The following ARIH2 variants were observed in gnomAD, a reference collection of about 807,000 sequenced individuals.
The protein encoded by ARIH2 is E3 ubiquitin-protein ligase ARIH2.
ARIH2 carries 12 observed loss-of-function variants against 79.8 expected under a neutral mutation model. That is an observed-to-expected ratio of 0.15 (90% CI 0.10 to 0.24). ARIH2 has a LOEUF of 0.24. ARIH2 is among the 10% of genes least tolerant of loss of function. The probability of loss-of-function intolerance (pLI) is 1.00; values close to 1 mark genes in which losing one functional copy is unlikely to be tolerated. For synonymous variants in ARIH2, 224 were observed against 213.9 expected (o/e 1.05, Z -0.41); for missense variants, 301 against 618.3 (o/e 0.49, Z 5.44).
chr3:48,973,906 A>C lies in ARIH2; in HGVS notation c.888+90A>C, dbSNP rs1484679984. 4.0e-6 allele frequency: 4 copies of C among 1,002,330 alleles called. No individual in the cohort carries two copies. The East Asian group carries it at 9.7e-5, about 24-fold the overall frequency. 62.1% of individuals were successfully genotyped at this position (1,002,330 alleles called of 1,614,324 possible). A position where few individuals can be genotyped will look rare whatever the true frequency, so the allele number is the denominator to read the frequency against. ...GAGATTTGCCATCTGAGAGCAGAAT[A>C]CCCAGAGCCCCAGGACCCTTCCTGA... is the stretch of plus-strand genomic sequence containing the variant. On this transcript the variant is annotated intron_variant, in intron 9 of 15. Coordinates refer to ENST00000356401, the MANE Select transcript of ARIH2 (RefSeq NM_006321.4).
intron 7 of ARIH2, among the ~76,000 whole-genome samples, chr3:48,969,178 CTTT>C (rs562931150): frequency 1.4e-4 from 19 of 137,534 alleles, no homozygotes; most frequent in Admixed American, 2.2e-4. Flanking sequence ...CAGCCTCTTT[CTTT>C]TTTTTTTTTT....
At chr3:48,919,229 A>G in intron 1 of ARIH2, 3 of 1,254,622 alleles carry the variant, frequency 2.4e-6, no homozygotes, top group East Asian at 6.3e-5. Context: ...CGGAAAGGTC[A>G]GAGGCCACCG....
intron 3 of ARIH2, among the ~76,000 whole-genome samples, chr3:48,961,296 C>T (rs2091230537): frequency 6.6e-6 from 1 of 152,166 alleles, no homozygotes; most frequent in African/African-American, 2.4e-5. Context: ...AAGGAAACTC[C>T]AGCCCTGTTG....
At chr3:48,959,839 T>G (rs1034572006) in intron 3 of ARIH2, among the ~76,000 whole-genome samples, 1 of 152,156 alleles carries the variant, frequency 6.6e-6, no homozygotes, top group Non-Finnish European at 1.5e-5. Context: ...TGCATAGCCT[T>G]TGACACTCAT....
chr3:48,919,027 GTTT>G, intron 1 of ARIH2, 29 bp downstream of exon 1: 2 of 1,386,088 alleles, frequency 1.4e-6, no homozygotes, highest in Non-Finnish European at 1.9e-6. Flanking sequence ...TCACGGCCTT[GTTT>G]ACCTTGGCTG....
intron 3 of ARIH2, among the ~76,000 whole-genome samples, chr3:48,937,303 T>C (rs1024994324): frequency 6.6e-6 from 1 of 152,186 alleles, no homozygotes. Context: ...AAGAAATCTT[T>C]CTAATGCCAT....
At chr3:48,939,080 G>A (rs2087635467) in intron 3 of ARIH2, among the ~76,000 whole-genome samples, 1 of 151,972 alleles carries the variant, frequency 6.6e-6, no homozygotes, top group Non-Finnish European at 1.5e-5. Context: ...CAATTCTCCT[G>A]CCTCAGCCTC....
At chr3:48,956,091 G>A (rs1287911611) in intron 3 of ARIH2, among the ~76,000 whole-genome samples, 3 of 151,538 alleles carry the variant, frequency 2.0e-5, no homozygotes, top group Non-Finnish European at 4.4e-5. Context: ...GAGAGAGAGA[G>A]TCTCCAATCT....
intron 3 of ARIH2, among the ~76,000 whole-genome samples, chr3:48,953,130 A>T (rs1030485062): frequency 2.0e-5 from 3 of 151,966 alleles, no homozygotes; most frequent in East Asian, 3.9e-4. Context: ...GGGTTTCACT[A>T]TGTTGGCCAG....
rs2092848698 is a variant in ARIH2 at position 48,984,395 on chromosome 3, G to GT, written c.*1127dup. 6.6e-6 allele frequency: 1 copy of GT among 152,582 alleles called. No homozygotes were observed. The highest frequency in any genetic ancestry group is 2.4e-5 in the African/African-American group (1 of 41,428). The allele number at this position is 152,582 out of a possible 1,614,324, so 9.5% of individuals were successfully genotyped here. Reference sequence around the variant, plus strand: ...AGAGGCTGCTCTGAGGCTGAGGTGTGTTCCCCCTTGCCTGGTTCCAGCTGT... The same window carrying GT: ...AGAGGCTGCTCTGAGGCTGAGGTGTGTTTCCCCCTTGCCTGGTTCCAGCTGT... On this transcript the variant is annotated 3_prime_UTR_variant, in exon 16 of 16. Transcript: ENST00000356401.
chr3:48,938,065 A>T (rs2087438843), intron 3 of ARIH2, among the ~76,000 whole-genome samples: 2 of 150,628 alleles, frequency 1.3e-5, no homozygotes, highest in African/African-American at 4.9e-5. Flanking sequence ...AAAAAAAAAA[A>T]TGGGTTCTAT....
At chr3:48,980,595 A>G in intron 13 of ARIH2, 99 bp downstream of exon 13, 2 of 1,393,100 alleles carry the variant, frequency 1.4e-6, no homozygotes, top group Non-Finnish European at 2.0e-6. Flanking sequence ...AGGGTATTTT[A>G]GCACCCTGTG....
chr3:48,924,317 G>A (rs1241834083), intron 2 of ARIH2, among the ~76,000 whole-genome samples: 1 of 151,378 alleles, frequency 6.6e-6, no homozygotes, highest in African/African-American at 2.4e-5. Flanking sequence ...CTGTACGTGG[G>A]CCTTTTTTTT....
At chr3:48,961,581 T>C (rs750869060) in intron 3 of ARIH2, 31 bp from the exon 4 acceptor site, 3 of 1,373,504 alleles carry the variant, frequency 2.2e-6, no homozygotes, top group South Asian at 1.2e-5. Flanking sequence ...AATGCAGTTA[T>C]AATTCGATTT....
chr3:48,975,134 ATTT>A, intron 11 of ARIH2, 155 bp downstream of exon 11: 1 of 1,299,056 alleles, frequency 7.7e-7, no homozygotes, highest in Non-Finnish European at 1.1e-6. Context: ...GTAGCTTTTT[ATTT>A]TTATTTTCTG....
chr3:48,925,502 T>G (rs2085453754), intron 2 of ARIH2, among the ~76,000 whole-genome samples: 1 of 151,810 alleles, frequency 6.6e-6, no homozygotes, highest in African/African-American at 2.4e-5. Context: ...CCTCAAGGGA[T>G]CCTCTCATCT....
intron 3 of ARIH2, chr3:48,934,619 A>G (rs925135767): frequency 1.3e-5 from 13 of 985,298 alleles, no homozygotes; most frequent in Admixed American, 6.2e-5. Flanking sequence ...GCTGGCCGTT[A>G]ATAGGTTTGT....
intron 3 of ARIH2, among the ~76,000 whole-genome samples, chr3:48,939,211 G>A (rs1295638311): frequency 1.3e-5 from 2 of 152,016 alleles, no homozygotes. Context: ...CAAGTGACCT[G>A]CCTGCCTCGG....
At chr3:48,933,240 GTGTGTGTGTGTGT>G (rs2107047784) in intron 3 of ARIH2, among the ~76,000 whole-genome samples, 1 of 3,650 alleles carries the variant, frequency 2.7e-4, no homozygotes, top group Admixed American at 3.6e-3. Context: ...GCCCGGGTGT[GTGTGTGTGTGTGT>G]GTGTGTGTGT....
Sources: allele counts gnomAD v4.1 joint callset (sites outside exome capture counted in the v4.1 genomes callset), GRCh38; gene constraint gnomAD v4.1.1; transcripts MANE v1.5; gene names NCBI Gene and HGNC (gene_info 2026-07-23, HGNC 2026-07-21).